The following LHFPL6 variants were observed in gnomAD, a reference collection of about 807,000 sequenced individuals.
The protein encoded by LHFPL6 is LHFPL tetraspan subfamily member 6.
A neutral mutation model predicts 20.6 loss-of-function variants in LHFPL6; 9 were observed. The observed-to-expected ratio is 0.44, with a 90% CI of 0.26 to 0.76. The LOEUF is 0.76. LHFPL6 is among the 30% of genes least tolerant of loss of function. LHFPL6 has a pLI of 0.20. For missense variants in LHFPL6, 218 were observed against 253.5 expected (o/e 0.86, Z 0.95); for synonymous variants, 105 against 98.7 (o/e 1.06, Z -0.38).
chr13:39,486,676 AG>A (rs1868736957), intron 2 of LHFPL6, among the ~76,000 whole-genome samples: 1 of 152,098 alleles, frequency 6.6e-6, no homozygotes, highest in South Asian at 2.1e-4. Context: ...GTCATTACAA[AG>A]GGAAGTTCAA....
At chr13:39,433,416 CTT>C (rs1871869203) in intron 2 of LHFPL6, among the ~76,000 whole-genome samples, 1 of 152,182 alleles carries the variant, frequency 6.6e-6, no homozygotes, top group African/African-American at 2.4e-5. Context: ...CTTTAATACA[CTT>C]TATATAAAGT....
intron 2 of LHFPL6, among the ~76,000 whole-genome samples, chr13:39,554,115 C>A (rs761579944): frequency 6.6e-6 from 1 of 152,182 alleles, no homozygotes; most frequent in Non-Finnish European, 1.5e-5. Flanking sequence ...TTCTCAGCTA[C>A]CAATAACACC....
At chr13:39,480,068 T>C (rs1868451273) in intron 2 of LHFPL6, among the ~76,000 whole-genome samples, 1 of 152,212 alleles carries the variant, frequency 6.6e-6, no homozygotes, top group South Asian at 2.1e-4. Flanking sequence ...GAAAAATATA[T>C]GAAAACATAC....
intron 2 of LHFPL6, among the ~76,000 whole-genome samples, chr13:39,582,678 CA>C (rs1872324967): frequency 1.3e-5 from 2 of 152,168 alleles, no homozygotes; most frequent in Non-Finnish European, 2.9e-5. Context: ...TTGGCTAAGA[CA>C]GACAGACGAT....
intron 2 of LHFPL6, among the ~76,000 whole-genome samples, chr13:39,427,313 A>G (rs899536323): frequency 6.6e-6 from 1 of 152,190 alleles, no homozygotes; most frequent in Admixed American, 6.5e-5. Flanking sequence ...TCTCCAGTTC[A>G]ATGTTTAATG....
chr13:39,505,469 G>T (rs1372105546), intron 2 of LHFPL6, among the ~76,000 whole-genome samples: 1 of 151,502 alleles, frequency 6.6e-6, no homozygotes, highest in Non-Finnish European at 1.5e-5. Flanking sequence ...GAGGAAAAGA[G>T]AACTTCAGAG....
intron 2 of LHFPL6, among the ~76,000 whole-genome samples, chr13:39,444,828 C>A (rs1359471016): frequency 6.6e-6 from 1 of 152,152 alleles, no homozygotes; most frequent in Non-Finnish European, 1.5e-5. Context: ...CCTGCTAGAG[C>A]AATGCCTAGT....
chr13:39,526,313 AGATACAGATATACAT>A (rs557227927), intron 2 of LHFPL6, among the ~76,000 whole-genome samples: 73 of 152,344 alleles, frequency 4.8e-4, no homozygotes, highest in South Asian at 8.3e-4. Context: ...ACAGGAATGT[AGATACAGATATACAT>A]GATACAGATA....
intron 2 of LHFPL6, among the ~76,000 whole-genome samples, chr13:39,477,606 C>T (rs961331376): frequency 2.0e-5 from 3 of 152,106 alleles, no homozygotes; most frequent in African/African-American, 7.2e-5. Flanking sequence ...TTAGAGCATG[C>T]GAGAATTCAT....
chr13:39,472,758 G>A (rs561725627), intron 2 of LHFPL6, among the ~76,000 whole-genome samples: 239 of 152,006 alleles, frequency 1.6e-3, no homozygotes, highest in Non-Finnish European at 2.7e-3. Context: ...ACAGACACCC[G>A]ACACCACGCC....
chr13:39,381,831 A>G (rs1286175564), intron 2 of LHFPL6, among the ~76,000 whole-genome samples: 3 of 18,952 alleles, frequency 1.6e-4, no homozygotes, highest in Admixed American at 8.4e-4. Flanking sequence ...ATAGACAAAA[A>G]AAAAAAAAAA....
chr13:39,549,793 T>C (rs1275276005), intron 2 of LHFPL6, among the ~76,000 whole-genome samples: 1 of 152,090 alleles, frequency 6.6e-6, no homozygotes, highest in African/African-American at 2.4e-5. Context: ...ACACATATGA[T>C]ACCAAAAATG....
intron 2 of LHFPL6, among the ~76,000 whole-genome samples, chr13:39,409,215 A>G (rs1467673578): frequency 6.6e-6 from 1 of 152,122 alleles, no homozygotes; most frequent in African/African-American, 2.4e-5. Context: ...GCACTTTGGG[A>G]GGCTGAGGTG....
chr13:39,346,699 C>A (rs886606732), intron 3 of LHFPL6, among the ~76,000 whole-genome samples: 2 of 152,150 alleles, frequency 1.3e-5, no homozygotes, highest in Non-Finnish European at 2.9e-5. Context: ...TCATCACCAA[C>A]AGCAAAGTAG....
At chr13:39,583,385 G>T (rs747944848) in intron 2 of LHFPL6, among the ~76,000 whole-genome samples, 1 of 151,936 alleles carries the variant, frequency 6.6e-6, no homozygotes, top group Non-Finnish European at 1.5e-5. Context: ...ATGTTGCCCA[G>T]GCTGGTCTTG....
Position 39,449,105 on chromosome 13 carries a change from T to C in LHFPL6, c.386-70579A>G, listed in dbSNP as rs577668224. The stretch of plus-strand genomic sequence containing the variant: ...CTGGCCTCACAAGCCAGGGAAGCTT[T>C]TCCACTGCATCTCGGCTGCATGGGC... On this transcript the variant is annotated intron_variant, in intron 2 of 3. Transcript: ENST00000379589. 3.3e-3 allele frequency among the ~76,000 whole-genome samples: 498 copies of C among 152,322 alleles called. 1 individual carries two copies. Among genetic ancestry groups the C allele is most frequent in the Middle Eastern group, 6.8e-3 (2 of 294 alleles).
chr13:39,447,841 A>G (rs1455819934), intron 2 of LHFPL6, among the ~76,000 whole-genome samples: 1 of 152,256 alleles, frequency 6.6e-6, no homozygotes, highest in Non-Finnish European at 1.5e-5. Flanking sequence ...AAAAGTCTGG[A>G]AAGTGAGAAA....
rs1869300948 is a variant in LHFPL6 at position 39,343,437 on chromosome 13, G to A, written c.*499C>T. 4.3e-6 allele frequency: 1 copy of A among 232,766 alleles called. No homozygotes were observed. The highest frequency in any genetic ancestry group is 2.2e-5 in the African/African-American group (1 of 45,360). The allele number at this position is 232,766 out of a possible 1,614,324, so 14.4% of individuals were successfully genotyped here. ...GGCGTGTGTGGGGATGCATATGTCTGTATGTGCTTGTGTGCTTTTGGGAGT... is the reference window on the plus strand; with the variant it reads ...GGCGTGTGTGGGGATGCATATGTCTATATGTGCTTGTGTGCTTTTGGGAGT... On this transcript the variant is annotated 3_prime_UTR_variant, in exon 4 of 4. Coordinates refer to ENST00000379589, the MANE Select transcript of LHFPL6 (RefSeq NM_005780.3).
intron 2 of LHFPL6, among the ~76,000 whole-genome samples, chr13:39,448,234 AC>A (rs1872344148): frequency 6.6e-6 from 1 of 152,226 alleles, no homozygotes; most frequent in Non-Finnish European, 1.5e-5. Context: ...TATTCAGGGT[AC>A]ATTTTGTGTT....
Sources: gnomAD v4.1 joint callset for allele counts (sites outside exome capture counted in the v4.1 genomes callset) on GRCh38, gnomAD v4.1.1 for gene constraint, MANE v1.5 for transcripts, NCBI Gene and HGNC (gene_info 2026-07-23, HGNC 2026-07-21) for gene names.